LRCH3: variants seen among roughly 807,000 people sequenced by gnomAD.
LRCH3 encodes the protein leucine rich repeats and calponin homology domain containing 3.
Under a neutral mutation model 104.5 loss-of-function variants are expected in LRCH3, and 68 were observed. The ratio of observed to expected loss-of-function variants is 0.65; its 90% CI spans 0.54 to 0.80. The LOEUF is 0.80. LRCH3 is among the 30% of genes least tolerant of loss of function. The probability of loss-of-function intolerance (pLI) is 0.00; values close to 1 mark genes in which losing one functional copy is unlikely to be tolerated. For synonymous variants in LRCH3, 344 were observed against 361.3 expected (o/e 0.95, Z 0.54); for missense variants, 951 against 953.9 (o/e 1.00, Z 0.04).
chr3:197,861,588 C>T (rs1193174090), intron 15 of LRCH3, among the ~76,000 whole-genome samples: 1 of 152,110 alleles, frequency 6.6e-6, no homozygotes, highest in Non-Finnish European at 1.5e-5. Context: ...ACCTGCTGTA[C>T]TGTCAAATTA....
At chr3:197,875,913 G>A (rs1348328642) in intron 20 of LRCH3, 138 bp downstream of exon 20, 12 of 551,572 alleles carry the variant, frequency 2.2e-5, no homozygotes, top group Non-Finnish European at 3.8e-5. Flanking sequence ...TGTTACAAGA[G>A]TCAGTGTACT....
intron 12 of LRCH3, among the ~76,000 whole-genome samples, chr3:197,851,342 G>A (rs1426796262): frequency 6.6e-6 from 1 of 151,992 alleles, no homozygotes; most frequent in Non-Finnish European, 1.5e-5. Flanking sequence ...TTTCAAAGCA[G>A]GAAAAAACAT....
chr3:197,882,958 T>G (rs1179989953), intron 20 of LRCH3: 1 of 985,302 alleles, frequency 1.0e-6, no homozygotes, highest in Non-Finnish European at 1.2e-6. Flanking sequence ...TTATTCAAAT[T>G]AGGGGGAAGT....
In LRCH3 at chr3:197,824,728, C is replaced by T. The variant is rs545089399; in HGVS notation, c.641-2150C>T. ...CTGGGATTATAGGAGCCCGCCACCA[C>T]GCCTGGCTAACTTTTGTATTTTTAG... On this transcript the variant is annotated intron_variant, in intron 4 of 20. Coordinates refer to ENST00000425562, the MANE Select transcript of LRCH3 (RefSeq NM_001365715.1). 1.7e-4 allele frequency among the ~76,000 whole-genome samples: 26 copies of T among 151,224 alleles called. 2 individuals are homozygous for T. In the East Asian group the frequency reaches 3.0e-3, roughly 17 times the overall value.
At chr3:197,828,634 C>T (rs948425263) in intron 5 of LRCH3, among the ~76,000 whole-genome samples, 2 of 150,818 alleles carry the variant, frequency 1.3e-5, no homozygotes, top group African/African-American at 4.9e-5. Context: ...TGTGAGCCAC[C>T]GCGCCCGGCC....
chr3:197,869,582 A>G (rs567508787), intron 17 of LRCH3, among the ~76,000 whole-genome samples: 12 of 132,870 alleles, frequency 9.0e-5, no homozygotes, highest in South Asian at 4.9e-4. Flanking sequence ...GTAGAAAGCG[A>G]TGCACTGTAC....
At chr3:197,825,572 C>A (rs1224383036) in intron 4 of LRCH3, among the ~76,000 whole-genome samples, 1 of 145,262 alleles carries the variant, frequency 6.9e-6, no homozygotes, top group Non-Finnish European at 1.5e-5. Context: ...CTCCGCCTCC[C>A]GGGTTCACGC....
chr3:197,865,458 TG>T lies in LRCH3; in HGVS notation c.1753del (p.Ala585GlnfsTer60). 6.4e-7 allele frequency: 1 copy of T among 1,553,080 alleles called. No individual in the cohort carries two copies. The highest frequency in any genetic ancestry group is 1.2e-5 in the South Asian group (1 of 82,454). ...GACCTAATGCTCTATTAAGTTCACCTGCAACAGAAACAGGTAATAGACACAA... is the reference window on the plus strand; with the variant it reads ...GACCTAATGCTCTATTAAGTTCACCTCAACAGAAACAGGTAATAGACACAA... ...DRPNALLSSP[A>X]TETVHHSPAY... On this transcript the variant is annotated frameshift_variant, in exon 16 of 21. Transcript: ENST00000425562. LOFTEE classifies it high-confidence loss of function.
Position 197,883,907 on chromosome 3 carries a change from A to T in LRCH3, c.*241A>T. 1 of 403,790 alleles carries T rather than the reference A, an allele frequency of 2.5e-6. No homozygotes were observed. The highest frequency in any genetic ancestry group is 4.3e-6 in the Non-Finnish European group (1 of 231,532). 25.0% of individuals were successfully genotyped at this position (403,790 alleles called of 1,614,324 possible). On this transcript the variant is annotated 3_prime_UTR_variant, in exon 21 of 21. Coordinates refer to ENST00000425562, the MANE Select transcript of LRCH3 (RefSeq NM_001365715.1). This position sits in a 1 kb window ranked among gnomAD's most constrained non-coding sequence, Gnocchi z 4.2. Reference sequence around the variant, plus strand: ...TCAGATGAAACTTCTCTTACTGAAAACCCAGCACCTAACTTGGCTGTGTTT... The same window carrying T: ...TCAGATGAAACTTCTCTTACTGAAATCCCAGCACCTAACTTGGCTGTGTTT...
intron 1 of LRCH3, among the ~76,000 whole-genome samples, chr3:197,792,747 GC>G (rs1431193257): frequency 6.7e-6 from 1 of 148,426 alleles, no homozygotes; most frequent in Non-Finnish European, 1.5e-5. Context: ...TGCCTCCCAG[GC>G]TCAGGTGATC....
chr3:197,802,711 T>G (rs1409459882), intron 1 of LRCH3, among the ~76,000 whole-genome samples: 1 of 152,202 alleles, frequency 6.6e-6, no homozygotes, highest in Non-Finnish European at 1.5e-5. Context: ...TGATTCAATC[T>G]CGGGAGGTTC....
intron 18 of LRCH3, 56 bp from the exon 19 acceptor site, chr3:197,871,269 G>A: frequency 7.5e-7 from 1 of 1,325,358 alleles, no homozygotes; most frequent in Non-Finnish European, 1.1e-6. Flanking sequence ...ACTCCCTTAT[G>A]TCCTATATGT....
intron 4 of LRCH3, among the ~76,000 whole-genome samples, chr3:197,825,503 A>G (rs1203995272): frequency 2.0e-4 from 13 of 63,556 alleles, no homozygotes; most frequent in African/African-American, 8.6e-4. Flanking sequence ...TTTTTGAGAC[A>G]GAGTCTTGCT....
Position 197,888,289 on chromosome 3 carries a change from A to G in LRCH3, c.*4623A>G, listed in dbSNP as rs1379483402. On this transcript the variant is annotated 3_prime_UTR_variant, in exon 21 of 21. Coordinates refer to ENST00000425562, the MANE Select transcript of LRCH3 (RefSeq NM_001365715.1). ...TAATTAGTGAAAGATTTTGTAAAACATTGTCCTGTATTTTTGTCTGTAAAT... is the reference window on the plus strand; with the variant it reads ...TAATTAGTGAAAGATTTTGTAAAACGTTGTCCTGTATTTTTGTCTGTAAAT... 6.6e-6 allele frequency: 1 copy of G among 152,220 alleles called. No homozygotes were observed. Among genetic ancestry groups the G allele is most frequent in the Non-Finnish European group, 1.5e-5 (1 of 68,042 alleles). 9.4% of individuals were successfully genotyped at this position (152,220 alleles called of 1,614,324 possible).
chr3:197,872,005 A>G (rs763819104), intron 19 of LRCH3, among the ~76,000 whole-genome samples: 4 of 152,186 alleles, frequency 2.6e-5, no homozygotes, highest in Non-Finnish European at 4.4e-5. Context: ...ACCCTAGTAC[A>G]GACAATGAGG....
intron 19 of LRCH3, among the ~76,000 whole-genome samples, 177 bp from the exon 20 acceptor site, chr3:197,875,521 G>A (rs1251576286): frequency 6.6e-6 from 1 of 152,254 alleles, no homozygotes; most frequent in Non-Finnish European, 1.5e-5. Context: ...AGGTGTGATG[G>A]CATGCAACTA....
chr3:197,852,237 C>G, intron 12 of LRCH3: 1 of 231,396 alleles, frequency 4.3e-6, no homozygotes, highest in East Asian at 9.2e-5. Context: ...TAGAGAGTTT[C>G]CATAGACAGT....
chr3:197,870,666 G>A (rs1445597289), intron 18 of LRCH3, among the ~76,000 whole-genome samples: 3 of 152,030 alleles, frequency 2.0e-5, no homozygotes, highest in East Asian at 1.9e-4. Context: ...GCGCCCGGCT[G>A]TAATTTTTAA....
At chr3:197,805,915 G>GT (rs760164696) in intron 1 of LRCH3, among the ~76,000 whole-genome samples, 22 of 151,802 alleles carry the variant, frequency 1.4e-4, no homozygotes, top group East Asian at 7.7e-4. Flanking sequence ...AATGTTATGG[G>GT]TTTTTTTTGT....
Sources: allele counts gnomAD v4.1 joint callset (sites outside exome capture counted in the v4.1 genomes callset), GRCh38; gene constraint gnomAD v4.1.1; non-coding constraint Gnocchi (gnomAD v3.1); transcripts MANE v1.5; gene names NCBI Gene and HGNC (gene_info 2026-07-23, HGNC 2026-07-21).